Variants in SEMA3E observed in about 807,000 individuals in gnomAD.
SEMA3E encodes the protein semaphorin 3E.
In SEMA3E, 49 loss-of-function variants were observed where a neutral mutation model predicts 93.6. The observed-to-expected ratio is 0.52, with a 90% confidence interval of 0.42 to 0.66. The LOEUF (loss-of-function observed/expected upper bound fraction) is 0.66. Among genes scored for constraint, SEMA3E ranks in the 30% least tolerant of loss-of-function variants. SEMA3E has a pLI of 0.00. For synonymous variants in SEMA3E, 363 were observed against 330.7 expected, an observed-to-expected ratio of 1.10 and a Z score of -1.06; for missense variants, 906 against 964.8, an observed-to-expected ratio of 0.94 and a Z score of 0.81.
At chr7:83,398,772 C>A (rs1263391643) in intron 11 of SEMA3E, among the ~76,000 whole-genome samples, 1 of 152,180 alleles carries the variant, frequency 6.6e-6, no homozygotes, top group East Asian at 1.9e-4. Context: ...GGAGAAACCC[C>A]TGTCTCTACT....
chr7:83,648,455 G>C lies in SEMA3E; in HGVS notation c.88C>G (p.His30Asp). 6.2e-7 allele frequency: 1 copy of C among 1,611,856 alleles called. No homozygotes were observed. The highest frequency in any genetic ancestry group is 1.3e-5 in the African/African-American group (1 of 74,482). ...TTATGTGACAGGCGTAACCGGGGGT[G>C]GGTAGTATCAGCTGTATGACCTCCT... ...WTGGHTADTT[H>D]PRLRLSHKEL... is the part of the protein sequence containing the mutation. Residue 30 changes from histidine to aspartate, a missense_variant, in exon 1 of 17, where the codon CAC becomes GAC. Coordinates refer to ENST00000643230, the MANE Select transcript of SEMA3E (RefSeq NM_012431.3).
Position 83,366,364 on chromosome 7 carries a change from A to G in SEMA3E, c.*1222T>C, listed in dbSNP as rs1794666218. 6.6e-6 allele frequency: 1 copy of G among 152,038 alleles called. No individual in the cohort carries two copies. The highest frequency in any genetic ancestry group is 2.1e-4 in the South Asian group (1 of 4,826). The allele number at this position is 152,038 out of a possible 1,614,324, so 9.4% of individuals were successfully genotyped here. On this transcript the variant is annotated 3_prime_UTR_variant, in exon 17 of 17. Coordinates refer to ENST00000643230, the MANE Select transcript of SEMA3E (RefSeq NM_012431.3). ...TCTTAAAAATACAATTGTTTTTTAT[A>G]ACATTTAAGAGAGAGGTAAAAATGC... is the stretch of plus-strand genomic sequence containing the variant.
At chr7:83,418,588 T>G (rs1788606373) in intron 4 of SEMA3E, 105 bp from the exon 5 acceptor site, 1 of 819,054 alleles carries the variant, frequency 1.2e-6, no homozygotes, top group Non-Finnish European at 2.1e-6. Context: ...AAGCATGTAT[T>G]CTAAATAGAG....
At chr7:83,400,304 T>C in intron 10 of SEMA3E, 54 bp from the exon 11 acceptor site, 1 of 1,518,192 alleles carries the variant, frequency 6.6e-7, no homozygotes, top group South Asian at 1.1e-5. Flanking sequence ...AAAGAGAAAA[T>C]TTATAATCAA....
intron 1 of SEMA3E, among the ~76,000 whole-genome samples, chr7:83,526,815 T>A (rs928249673): frequency 1.3e-5 from 2 of 152,196 alleles, no homozygotes; most frequent in Non-Finnish European, 2.9e-5. Context: ...TTTATTCAAC[T>A]GAATTTTTAA....
In SEMA3E at chr7:83,424,370, C is replaced by G. The variant is rs890506500; in HGVS notation, c.457-5887G>C. 1.2e-4 allele frequency among the ~76,000 whole-genome samples: 19 copies of G among 152,276 alleles called. 1 individual carries two copies. The highest frequency in any genetic ancestry group is 1.0e-3 in the Admixed American group (16 of 15,288). On this transcript the variant is annotated intron_variant, in intron 4 of 16. Transcript: ENST00000643230. ...TCCTGAAACTTGATTGTTAGATTAA[C>G]ATTTAAATTACTACAGTATGATGTC...
Position 83,396,652 on chromosome 7 carries a change from G to T in SEMA3E, c.1444C>A (p.Leu482Ile), listed in dbSNP as rs951273822. The change falls in exon 12 of 17, where the codon CTT becomes ATT. Residue 482 changes from leucine (L) to isoleucine (I), a missense_variant. Leu to Ile is a conservative substitution (Grantham distance 5). Coordinates refer to ENST00000643230, the MANE Select transcript of SEMA3E (RefSeq NM_012431.3). The part of the protein sequence containing the change: ...ESMEEVILEE[L>I]QIFKDPVPII... The stretch of plus-strand genomic sequence containing the variant: ...GCTTTAAATACCTTGAATATCTGAA[G>T]TTCTTCTAGAATTACTTCTTCCATT... 6.9e-6 allele frequency: 11 copies of T among 1,603,034 alleles called. No individual in the cohort carries two copies. In the Admixed American group the frequency reaches 1.3e-4, roughly 20 times the overall value.
chr7:83,550,078 A>T (rs1791730495), intron 1 of SEMA3E, among the ~76,000 whole-genome samples: 1 of 97,236 alleles, frequency 1.0e-5, no homozygotes. Context: ...AAATCAATCC[A>T]CAAAAAAATA....
At chr7:83,421,810 C>G (rs187230253) in intron 4 of SEMA3E, among the ~76,000 whole-genome samples, 1 of 100,838 alleles carries the variant, frequency 9.9e-6, no homozygotes, top group South Asian at 3.3e-4. Context: ...CTGATCCTGC[C>G]GTTTTGAAAA....
chr7:83,593,547 A>G (rs1183944982), intron 1 of SEMA3E, among the ~76,000 whole-genome samples: 2 of 152,108 alleles, frequency 1.3e-5, no homozygotes, highest in African/African-American at 4.8e-5. Flanking sequence ...GAGGCTGAGA[A>G]GCAGTGAGAA....
rs200085521 is a variant in SEMA3E, at chr7:83,648,398, T to A, written c.115+30A>T. 1,507 of 1,353,950 alleles carry A rather than the reference T, an allele frequency of 1.1e-3. 4 individuals carry two copies. Among genetic ancestry groups the A allele is most frequent in the Middle Eastern group, 3.3e-3 (18 of 5,404 alleles). The allele number at this position is 1,353,950 out of a possible 1,614,324, so 83.9% of individuals were successfully genotyped here. ...TTTTCTTTTTCTTTTTTTTTTTTTT[T>A]AAACAAAAGGATCTGGAAAGGTAAC... On this transcript the variant is annotated intron_variant, in intron 1 of 16. Coordinates refer to ENST00000643230, the MANE Select transcript of SEMA3E (RefSeq NM_012431.3).
At chr7:83,455,385 G>A (rs186057762) in intron 4 of SEMA3E, among the ~76,000 whole-genome samples, 3 of 152,270 alleles carry the variant, frequency 2.0e-5, no homozygotes, top group Admixed American at 2.0e-4. Context: ...GCACTACAAA[G>A]TTCTAAAAAA....
intron 9 of SEMA3E, among the ~76,000 whole-genome samples, chr7:83,403,650 AGT>A (rs1390711278): frequency 6.6e-6 from 1 of 151,966 alleles, no homozygotes; most frequent in African/African-American, 2.4e-5. Context: ...TGTTTGTGAA[AGT>A]GTTTTGCAAA....
intron 10 of SEMA3E, among the ~76,000 whole-genome samples, chr7:83,402,033 A>C (rs531584054): frequency 6.6e-6 from 1 of 152,084 alleles, no homozygotes; most frequent in Non-Finnish European, 1.5e-5. Flanking sequence ...TAGTTCAGAG[A>C]CAAGTGGTAG....
At chr7:83,621,298 G>A (rs1318076736) in intron 1 of SEMA3E, among the ~76,000 whole-genome samples, 1 of 152,044 alleles carries the variant, frequency 6.6e-6, no homozygotes, top group East Asian at 1.9e-4. Context: ...GGTATGTGAA[G>A]GACTTTTTCA....
intron 1 of SEMA3E, among the ~76,000 whole-genome samples, chr7:83,508,131 G>A (rs1161174343): frequency 6.6e-6 from 1 of 151,964 alleles, no homozygotes; most frequent in Non-Finnish European, 1.5e-5. Flanking sequence ...TATTTTCCTT[G>A]TAAAGATTAA....
At chr7:83,383,864 G>A (rs1420991560) in intron 16 of SEMA3E, among the ~76,000 whole-genome samples, 2 of 151,944 alleles carry the variant, frequency 1.3e-5, no homozygotes, top group African/African-American at 4.8e-5. Context: ...CAGCTTGGAG[G>A]AACTATGGAA....
chr7:83,444,784 C>A (rs1378337199), intron 4 of SEMA3E, among the ~76,000 whole-genome samples: 2 of 151,352 alleles, frequency 1.3e-5, no homozygotes, highest in Non-Finnish European at 1.5e-5. Flanking sequence ...GATTCTCCTG[C>A]CTCAGCCCCC....
intron 1 of SEMA3E, among the ~76,000 whole-genome samples, chr7:83,509,502 A>G (rs1472008820): frequency 6.6e-6 from 1 of 152,184 alleles, no homozygotes; most frequent in African/African-American, 2.4e-5. Flanking sequence ...AATTTGGTCA[A>G]AAATTTACCT....
Sources: gnomAD v4.1 joint callset for allele counts (sites outside exome capture counted in the v4.1 genomes callset) on GRCh38, gnomAD v4.1.1 for gene constraint, MANE v1.5 for transcripts, NCBI Gene and HGNC (gene_info 2026-07-23, HGNC 2026-07-21) for gene names.